TBC1D19: variants seen among roughly 807,000 people sequenced by gnomAD.
TBC1D19 encodes TBC1 domain family member 19.
In TBC1D19, 60 loss-of-function variants were observed where a neutral mutation model predicts 89.0. The ratio of observed to expected loss-of-function variants is 0.67; its 90% CI spans 0.55 to 0.84. TBC1D19 has a LOEUF of 0.84. Ranked by LOEUF, TBC1D19 falls within the 40% of genes least tolerant of loss-of-function variation. The pLI, the probability that TBC1D19 is intolerant of heterozygous loss-of-function variation, is 0.00. For synonymous variants in TBC1D19, 189 were observed against 199.7 expected (o/e 0.95, Z 0.45); for missense variants, 500 against 610.8 (o/e 0.82, Z 1.91).
the TBC1D19 span, among the ~76,000 whole-genome samples, chr4:26,801,341 G>C: frequency 3.3e-5 from 5 of 152,152 alleles, no homozygotes; most frequent in East Asian, 9.6e-4. Context: ...TATTTCTGAG[G>C]GTTCTGTTCT....
At chr4:26,757,852 A>C (rs1719328761), downstream of TBC1D19, among the ~76,000 whole-genome samples, 1 of 152,150 alleles carries the variant, frequency 6.6e-6, no homozygotes, top group Non-Finnish European at 1.5e-5. Flanking sequence ...TGATTGTGCC[A>C]TTTCTATGCT....
In TBC1D19 at chr4:26,742,556, C is replaced by T. The variant is rs373829735; in HGVS notation, c.1276C>T (p.Leu426Phe). 3.0e-5 allele frequency: 48 copies of T among 1,612,310 alleles called. No individual in the cohort carries two copies. The highest frequency in any genetic ancestry group is 1.6e-4 in the Middle Eastern group (1 of 6,070). Residue 426 changes from leucine (L) to phenylalanine (F), a missense_variant, in exon 18 of 21, where the codon CTT (leucine) becomes TTT (phenylalanine). Coordinates refer to ENST00000264866, the MANE Select transcript of TBC1D19 (RefSeq NM_018317.4). ...GTTTGAAACTCTTCTTCAAACTTATCTTCCCCAACTCTTTTATCATCTACG... is the reference window on the plus strand; with the variant it reads ...GTTTGAAACTCTTCTTCAAACTTATTTTCCCCAACTCTTTTATCATCTACG... ...LLFETLLQTY[L>F]PQLFYHLREI...
chr4:26,777,224 T>C, the TBC1D19 span, among the ~76,000 whole-genome samples: 1 of 150,432 alleles, frequency 6.6e-6, no homozygotes. Flanking sequence ...AACCTCTGCC[T>C]CCTGGGTTCA....
chr4:26,722,859 A>AC (rs1411116858), intron 15 of TBC1D19, among the ~76,000 whole-genome samples: 2 of 152,160 alleles, frequency 1.3e-5, no homozygotes, highest in East Asian at 3.9e-4. Context: ...AGATAAAGAA[A>AC]CTGAGGCATA....
chr4:26,689,276 T>C (rs1009900201), intron 13 of TBC1D19, among the ~76,000 whole-genome samples: 2 of 152,106 alleles, frequency 1.3e-5, no homozygotes, highest in Admixed American at 6.6e-5. Context: ...AAATGCATAA[T>C]TAAAATTTTT....
intron 8 of TBC1D19, 105 bp downstream of exon 8, chr4:26,659,812 C>T: frequency 1.7e-6 from 1 of 592,526 alleles, no homozygotes. Context: ...ACTCATTAAA[C>T]AAATTAATAA....
chr4:26,732,922 C>T (rs1319913277), intron 15 of TBC1D19, among the ~76,000 whole-genome samples: 6 of 152,134 alleles, frequency 3.9e-5, no homozygotes, highest in Non-Finnish European at 4.4e-5. Flanking sequence ...GCATCAGCCT[C>T]GTAGTGAGGA....
intron 12 of TBC1D19, 147 bp from the exon 13 acceptor site, chr4:26,688,198 C>T: frequency 8.3e-7 from 1 of 1,212,090 alleles, no homozygotes; most frequent in African/African-American, 1.6e-5. Flanking sequence ...TCAGTAAATA[C>T]ATAGCAATGA....
At chr4:26,678,344 A>G (rs1423674403) in intron 11 of TBC1D19, among the ~76,000 whole-genome samples, 1 of 152,100 alleles carries the variant, frequency 6.6e-6, no homozygotes, top group African/African-American at 2.4e-5. Context: ...TTATTTTAGG[A>G]GGTTTGTTTG....
At chr4:26,728,946 C>T (rs996538067) in intron 15 of TBC1D19, among the ~76,000 whole-genome samples, 5 of 152,154 alleles carry the variant, frequency 3.3e-5, no homozygotes, top group African/African-American at 4.8e-5. Context: ...ACCCGGGAGG[C>T]GGAGCTTGAA....
chr4:26,600,636 G>A (rs1309273725), intron 1 of TBC1D19, among the ~76,000 whole-genome samples: 7 of 152,166 alleles, frequency 4.6e-5, no homozygotes, highest in Admixed American at 2.6e-4. Context: ...ATAGAGATGC[G>A]GATGAATAGG....
chr4:26,841,695 G>A, the TBC1D19 span, among the ~76,000 whole-genome samples: 14 of 152,244 alleles, frequency 9.2e-5, no homozygotes, highest in African/African-American at 2.4e-4. Flanking sequence ...TACCCTACGC[G>A]TATTTTTGGA....
chr4:26,644,944 CA>C (rs1483721752), intron 7 of TBC1D19, among the ~76,000 whole-genome samples: 20 of 152,304 alleles, frequency 1.3e-4, no homozygotes, highest in South Asian at 4.1e-4. Context: ...AATGGAAGAA[CA>C]TTCCATGCTC....
At chr4:26,614,738 A>G (rs1376744161) in intron 3 of TBC1D19, among the ~76,000 whole-genome samples, 2 of 151,960 alleles carry the variant, frequency 1.3e-5, no homozygotes, top group Non-Finnish European at 2.9e-5. Flanking sequence ...GTGCAGTGCA[A>G]TGATCTTGGC....
At chr4:26,845,335 C>A in the TBC1D19 span, among the ~76,000 whole-genome samples, 1 of 152,008 alleles carries the variant, frequency 6.6e-6, no homozygotes, top group African/African-American at 2.4e-5. Flanking sequence ...TTATTGTAAA[C>A]TTCTATGTTT....
At chr4:26,623,912 T>G (rs916314583) in intron 4 of TBC1D19, among the ~76,000 whole-genome samples, 1 of 152,168 alleles carries the variant, frequency 6.6e-6, no homozygotes, top group African/African-American at 2.4e-5. Flanking sequence ...AATCTCCTTA[T>G]GTACTCTCAA....
At chr4:26,753,142 G>T (rs916600185) in intron 19 of TBC1D19, among the ~76,000 whole-genome samples, 5 of 152,126 alleles carry the variant, frequency 3.3e-5, no homozygotes, top group African/African-American at 4.8e-5. Flanking sequence ...AGTCAGTGCT[G>T]TGTATAAAAA....
At chr4:26,638,959 T>TATC in intron 6 of TBC1D19, 125 bp downstream of exon 6, 1 of 801,138 alleles carries the variant, frequency 1.2e-6, no homozygotes, top group South Asian at 1.9e-5. Context: ...ATTAATTTTC[T>TATC]ATCATCTGGA....
At chr4:26,830,058 G>A in the TBC1D19 span, among the ~76,000 whole-genome samples, 1 of 152,144 alleles carries the variant, frequency 6.6e-6, no homozygotes. Flanking sequence ...ATTCCATCGG[G>A]TTATGGTTTC....
Sources: gnomAD v4.1 joint callset for allele counts (sites outside exome capture counted in the v4.1 genomes callset) on GRCh38, gnomAD v4.1.1 for gene constraint, MANE v1.5 for transcripts, NCBI Gene and HGNC (gene_info 2026-07-23, HGNC 2026-07-21) for gene names.